RFX2: variants seen among roughly 807,000 people sequenced by gnomAD.
The protein encoded by RFX2 is regulatory factor X2.
A neutral mutation model predicts 87.8 loss-of-function variants in RFX2; 20 were observed. The ratio of observed to expected loss-of-function variants is 0.23; its 90% confidence interval spans 0.16 to 0.33. The LOEUF (loss-of-function observed/expected upper bound fraction) is 0.33. Among genes scored for constraint, RFX2 ranks in the 10% least tolerant of loss-of-function variants. RFX2 has a pLI of 1.00. For synonymous variants in RFX2, 397 were observed against 431.3 expected (o/e 0.92, Z 0.98); for missense variants, 767 against 1,012.3 (o/e 0.76, Z 3.29).
In RFX2 at chr19:5,998,701, C is replaced by T. The variant is rs567770229; in HGVS notation, c.1860-1488G>A. Among the ~76,000 whole-genome samples, 13 of 152,300 alleles carry T rather than the reference C, an allele frequency of 8.5e-5. No homozygotes were observed. The South Asian group carries it at 1.7e-3, about 19-fold the overall frequency. ...TCTGCAACCAGCTTCCCCACAGCCC[C>T]GGTGTCTGGTGCGATGCTTCAGTCC... On this transcript the variant is annotated intron_variant, in intron 15 of 17. Coordinates refer to ENST00000303657, the MANE Select transcript of RFX2 (RefSeq NM_000635.4). This position sits in a 1 kb window ranked among gnomAD's most constrained non-coding sequence, Gnocchi z 4.2.
At chr19:6,093,208 G>T (rs2087968534) in intron 1 of RFX2, among the ~76,000 whole-genome samples, 2 of 152,178 alleles carry the variant, frequency 1.3e-5, no homozygotes, top group Admixed American at 1.3e-4. Flanking sequence ...AGCATTGGCG[G>T]TAAAGTGGAA....
chr19:6,079,247 T>TA (rs1452130798), intron 1 of RFX2, among the ~76,000 whole-genome samples: 1 of 152,230 alleles, frequency 6.6e-6, no homozygotes, highest in Non-Finnish European at 1.5e-5. Context: ...CTGTCGCTCT[T>TA]ACAACCAGAG....
intron 1 of RFX2, among the ~76,000 whole-genome samples, chr19:6,070,748 C>G (rs565232068): frequency 1.6e-4 from 25 of 152,326 alleles, no homozygotes; most frequent in African/African-American, 4.6e-4. Flanking sequence ...GTCACCCAGG[C>G]TGGAGTACAG....
At chr19:6,060,693 A>G (rs2087416299) in intron 1 of RFX2, among the ~76,000 whole-genome samples, 1 of 152,004 alleles carries the variant, frequency 6.6e-6, no homozygotes, top group African/African-American at 2.4e-5. Context: ...TACTCTCTGC[A>G]GTGTTTCGTG....
At position 6,064,636 on chromosome 19, in the gene RFX2, C is replaced by A. The variant is rs548385320; in HGVS notation, c.-8-17132G>T. ...ACCTGTGCCCACCTGGGGATGGGGT[C>A]TCGTCCTGCCTGTGTGACCCTTCCT... is the stretch of plus-strand genomic sequence containing the variant. On this transcript the variant is annotated intron_variant, in intron 1 of 17. Coordinates refer to ENST00000303657, the MANE Select transcript of RFX2 (RefSeq NM_000635.4). The surrounding 1 kb of genome is among the most constrained non-coding windows in gnomAD (Gnocchi z 4.8). Among the ~76,000 whole-genome samples, 5 of 152,346 alleles carry A rather than the reference C, an allele frequency of 3.3e-5. No individual in the cohort carries two copies. In the East Asian group the frequency reaches 9.7e-4, roughly 29 times the overall value.
In RFX2 at chr19:6,021,372, A is replaced by G. The variant is rs2086808523; in HGVS notation, c.597+4791T>C. ...GGAAGCGTCCGTTCTTGTCTGGCAG[A>G]GACCCACAATAAATAAGTAAAATGA... On this transcript the variant is annotated intron_variant, in intron 6 of 17. Transcript: ENST00000303657. This position sits in a 1 kb window ranked among gnomAD's most constrained non-coding sequence, Gnocchi z 5.7. Among the ~76,000 whole-genome samples, 1 of 152,234 alleles carries G rather than the reference A, an allele frequency of 6.6e-6. No homozygotes were observed. The highest frequency in any genetic ancestry group is 6.5e-5 in the Admixed American group (1 of 15,288).
rs186383588 is a variant in RFX2 at position 6,047,398 on chromosome 19, G to T, written c.90+9C>A. 6.2e-7 allele frequency: 1 copy of T among 1,601,248 alleles called. No individual in the cohort carries two copies. The highest frequency in any genetic ancestry group is 2.3e-5 in the East Asian group (1 of 44,428). Reference sequence around the variant, plus strand: ...GGCCACCCTGTTGTTGCTGAGAGGCGCGCGTTACCTGCGGGGAGGCTGGCA... The same window carrying T: ...GGCCACCCTGTTGTTGCTGAGAGGCTCGCGTTACCTGCGGGGAGGCTGGCA... On this transcript the variant is annotated intron_variant, in intron 2 of 17. Coordinates refer to ENST00000303657, the MANE Select transcript of RFX2 (RefSeq NM_000635.4). The surrounding 1 kb of genome is among the most constrained non-coding windows in gnomAD (Gnocchi z 4.2).
At chr19:6,009,084 C>A (rs972605723) in intron 9 of RFX2, among the ~76,000 whole-genome samples, 1 of 152,094 alleles carries the variant, frequency 6.6e-6, no homozygotes, top group African/African-American at 2.4e-5. Flanking sequence ...AGCCCTGAGC[C>A]CAGGCCCTGG....
Position 6,022,147 on chromosome 19 carries a change from G to A in RFX2, c.597+4016C>T, listed in dbSNP as rs1310930384. On this transcript the variant is annotated intron_variant, in intron 6 of 17. Transcript: ENST00000303657. This position sits in a 1 kb window ranked among gnomAD's most constrained non-coding sequence, Gnocchi z 6.2. ...GGCGCAGGGGTTGTGGGAGGCGCAGGGGTTGTTGAGGGTGGAGGCCACGCA... is the reference window on the plus strand; with the variant it reads ...GGCGCAGGGGTTGTGGGAGGCGCAGAGGTTGTTGAGGGTGGAGGCCACGCA... Among the ~76,000 whole-genome samples, 1 of 152,148 alleles carries A rather than the reference G, an allele frequency of 6.6e-6. No homozygotes were observed. Among genetic ancestry groups the A allele is most frequent in the East Asian group, 1.9e-4 (1 of 5,178 alleles).
chr19:6,032,211 T>G (rs1164498509), intron 5 of RFX2, among the ~76,000 whole-genome samples: 2 of 152,114 alleles, frequency 1.3e-5, no homozygotes, highest in Admixed American at 6.5e-5. Flanking sequence ...AACCTCTGCC[T>G]CCCAGGTTCA....
At chr19:6,108,241 A>T (rs1358882567) in intron 1 of RFX2, among the ~76,000 whole-genome samples, 1 of 152,128 alleles carries the variant, frequency 6.6e-6, no homozygotes, top group Non-Finnish European at 1.5e-5. Flanking sequence ...TTCTTTTCCT[A>T]GGGAGGTTAC....
Position 6,001,221 on chromosome 19 carries a change from A to G in RFX2, c.1859+594T>C, listed in dbSNP as rs2086485870. On this transcript the variant is annotated intron_variant, in intron 15 of 17. Transcript: ENST00000303657. This position sits in a 1 kb window ranked among gnomAD's most constrained non-coding sequence, Gnocchi z 5.6. ...GTTGTTTCTCAAACTTGGTGTTTCGATATTTCACCAGGAGCCTCCTTGTGC... is the reference window on the plus strand; with the variant it reads ...GTTGTTTCTCAAACTTGGTGTTTCGGTATTTCACCAGGAGCCTCCTTGTGC... 1.3e-5 allele frequency among the ~76,000 whole-genome samples: 2 copies of G among 152,144 alleles called. No homozygotes were observed. Among genetic ancestry groups the G allele is most frequent in the Admixed American group, 6.5e-5 (1 of 15,284 alleles).
chr19:6,034,386 A>G lies in RFX2; in HGVS notation c.522+5594T>C, dbSNP rs185656943. On this transcript the variant is annotated intron_variant, in intron 5 of 17. Coordinates refer to ENST00000303657, the MANE Select transcript of RFX2 (RefSeq NM_000635.4). ...TGGGACTACAGGTGCGCACCACCACACCTAGCTAATTTTTGCATTTTTAGT... is the reference window on the plus strand; with the variant it reads ...TGGGACTACAGGTGCGCACCACCACGCCTAGCTAATTTTTGCATTTTTAGT... Among the ~76,000 whole-genome samples, 44 of 151,898 alleles carry G rather than the reference A, an allele frequency of 2.9e-4. 1 individual carries two copies. The highest frequency in any genetic ancestry group is 8.3e-4 in the South Asian group (4 of 4,802).
At position 6,010,348 on chromosome 19, in the gene RFX2, G is replaced by C. The variant is rs2086645024; in HGVS notation, c.900-97C>G. 2.6e-6 allele frequency: 2 copies of C among 758,216 alleles called. No individual in the cohort carries two copies. Among genetic ancestry groups the C allele is most frequent in the African/African-American group, 3.5e-5 (2 of 57,900 alleles). 47.0% of individuals were successfully genotyped at this position (758,216 alleles called of 1,614,324 possible). On this transcript the variant is annotated intron_variant, in intron 8 of 17. Coordinates refer to ENST00000303657, the MANE Select transcript of RFX2 (RefSeq NM_000635.4). The surrounding 1 kb of genome is among the most constrained non-coding windows in gnomAD (Gnocchi z 5.0). ...CTGGGCAGGATTCAGTCAGGCATGT[G>C]TGTGTGATGTTTACAAGTTGCGGTC...
At chr19:6,077,272 G>A (rs368789928) in intron 1 of RFX2, among the ~76,000 whole-genome samples, 165 of 152,312 alleles carry the variant, frequency 1.1e-3, no homozygotes, top group African/African-American at 3.8e-3. Flanking sequence ...CATTAACCTG[G>A]TGGCTTTGCC....
At chr19:6,085,083 T>C (rs2087838136) in intron 1 of RFX2, among the ~76,000 whole-genome samples, 2 of 152,242 alleles carry the variant, frequency 1.3e-5, no homozygotes, top group Admixed American at 1.3e-4. Context: ...TCACATTTTA[T>C]TTATCCATTC....
At chr19:6,085,501 AT>A (rs948100485) in intron 1 of RFX2, among the ~76,000 whole-genome samples, 1 of 152,170 alleles carries the variant, frequency 6.6e-6, no homozygotes, top group Non-Finnish European at 1.5e-5. Flanking sequence ...TTCTTTATCT[AT>A]TTTGAATATT....
In RFX2 at chr19:6,011,797, C is replaced by A. The variant is rs2086663024; in HGVS notation, c.899+1189G>T. Among the ~76,000 whole-genome samples the A allele has an allele frequency of 1.3e-5, 2 of 152,308 alleles. No individual in the cohort carries two copies. The highest frequency in any genetic ancestry group is 4.8e-5 in the African/African-American group (2 of 41,566). ...TTGAGCCACACACATACACGGGTGG[C>A]TCTGTGCAGAGGGTCCAGCACCAGG... On this transcript the variant is annotated intron_variant, in intron 8 of 17. Coordinates refer to ENST00000303657, the MANE Select transcript of RFX2 (RefSeq NM_000635.4). This position sits in a 1 kb window ranked among gnomAD's most constrained non-coding sequence, Gnocchi z 4.8.
chr19:6,000,229 C>T (rs969024683), intron 15 of RFX2, among the ~76,000 whole-genome samples: 22 of 152,238 alleles, frequency 1.4e-4, no homozygotes, highest in African/African-American at 5.3e-4. Context: ...AAGTGATCCA[C>T]CTGCCTCAGC....
Sources: gnomAD v4.1 joint callset for allele counts (sites outside exome capture counted in the v4.1 genomes callset) on GRCh38, gnomAD v4.1.1 for gene constraint, Gnocchi (gnomAD v3.1) non-coding constraint, MANE v1.5 for transcripts, NCBI Gene and HGNC (gene_info 2026-07-23, HGNC 2026-07-21) for gene names.